UNC5B: variants seen among roughly 807,000 people sequenced by gnomAD.
UNC5B encodes netrin receptor UNC5B.
UNC5B carries 56 observed loss-of-function variants against 103.7 expected under a neutral mutation model. The ratio of observed to expected loss-of-function variants is 0.54; its 90% CI spans 0.44 to 0.67. The LOEUF is 0.67. Among genes scored for constraint, UNC5B ranks in the 30% least tolerant of loss-of-function variants. The probability of loss-of-function intolerance (pLI) is 0.00; values close to 1 mark genes in which losing one functional copy is unlikely to be tolerated. For synonymous variants in UNC5B, 577 were observed against 542.0 expected, an observed-to-expected ratio of 1.06 and a Z score of -0.90; for missense variants, 1,194 against 1,284.5, an observed-to-expected ratio of 0.93 and a Z score of 1.08.
rs774394506 is a variant in UNC5B at position 71,293,951 on chromosome 10, T to C, written c.2175+18T>C. The C allele has an allele frequency of 2.0e-5, 32 of 1,573,830 alleles. No homozygotes were observed. The highest frequency in any genetic ancestry group is 2.4e-5 in the Non-Finnish European group (28 of 1,164,280). ...CACTGAAGGTAGGGCCAGCTGCAGG[T>C]GCCCACACAGCCCTGGCCGGCCAGC... On this transcript the variant is annotated intron_variant, in intron 13 of 16. Transcript: ENST00000335350.
At chr10:71,235,033 C>G (rs1272615305) in intron 1 of UNC5B, among the ~76,000 whole-genome samples, 1 of 152,184 alleles carries the variant, frequency 6.6e-6, no homozygotes, top group East Asian at 1.9e-4. Flanking sequence ...GGCCCCTCCT[C>G]CCCCGGCCTG....
chr10:71,296,779 CCA>C (rs770048440), intron 15 of UNC5B, 37 bp downstream of exon 15: 10 of 1,586,772 alleles, frequency 6.3e-6, no homozygotes, highest in Admixed American at 1.8e-5. Flanking sequence ...CAGCTGCACA[CCA>C]CACTGGCGGA....
intron 1 of UNC5B, among the ~76,000 whole-genome samples, chr10:71,250,819 G>A (rs1264035178): frequency 6.6e-6 from 1 of 152,166 alleles, no homozygotes; most frequent in African/African-American, 2.4e-5. Flanking sequence ...ATAATCTATG[G>A]GAGTATACTT....
Position 71,292,539 on chromosome 10 carries a change from A to G in UNC5B, c.1757A>G (p.Lys586Arg). 6.2e-7 allele frequency: 1 copy of G among 1,604,026 alleles called. No individual in the cohort carries two copies. The highest frequency in any genetic ancestry group is 8.5e-7 in the Non-Finnish European group (1 of 1,175,406). ...KFYEMYLLINKAESTLPLSEG... is the reference protein window; with the variant it reads ...KFYEMYLLINRAESTLPLSEG... ...TACGAGATGTATCTACTCATCAACAAGGCAGAAAGTACCCTGTGAGTAGAG... is the reference window on the plus strand; with the variant it reads ...TACGAGATGTATCTACTCATCAACAGGGCAGAAAGTACCCTGTGAGTAGAG... Residue 586 changes from lysine (K) to arginine (R), a missense_variant, in exon 11 of 17, where the codon AAG becomes AGG. Coordinates refer to ENST00000335350, the MANE Select transcript of UNC5B (RefSeq NM_170744.5).
In UNC5B at chr10:71,291,650, G is replaced by T. The variant is rs201668410; in HGVS notation, c.1513G>T (p.Val505Phe). ...GLADGADLLG[V>F]LPPGTYPSDF... Reference sequence around the variant, plus strand: ...GGCAGATGGGGCTGACCTGCTGGGGGTCTTGCCGCCTGGCACATACCCTAG... The same window carrying T: ...GGCAGATGGGGCTGACCTGCTGGGGTTCTTGCCGCCTGGCACATACCCTAG... The change falls in exon 10 of 17, where the codon GTC (valine) becomes TTC (phenylalanine). Residue 505 changes from valine (V) to phenylalanine (F), a missense_variant. Val to Phe is a conservative substitution (Grantham distance 50, BLOSUM62 -1). Coordinates refer to ENST00000335350, the MANE Select transcript of UNC5B (RefSeq NM_170744.5). 13 of 1,613,884 alleles carry T rather than the reference G, an allele frequency of 8.1e-6. No homozygotes were observed. Among genetic ancestry groups the T allele is most frequent in the East Asian group, 6.7e-5 (3 of 44,886 alleles).
intron 1 of UNC5B, among the ~76,000 whole-genome samples, chr10:71,215,806 G>GGTGTGTGTGT (rs55848098): frequency 1.5e-4 from 23 of 149,540 alleles, no homozygotes; most frequent in African/African-American, 4.9e-4. Flanking sequence ...GTCTCTGCTT[G>GGTGTGTGTGT]GTGTGTGTGT....
intron 1 of UNC5B, among the ~76,000 whole-genome samples, chr10:71,233,897 T>C (rs894974321): frequency 1.3e-5 from 2 of 152,232 alleles, no homozygotes; most frequent in African/African-American, 4.8e-5. Context: ...TGCTCTTGGC[T>C]GAGGCCGCCA....
chr10:71,212,671 T>A lies in UNC5B; in HGVS notation c.-315T>A, dbSNP rs1190049349. On this transcript the variant is annotated 5_prime_UTR_variant, in exon 1 of 17. Transcript: ENST00000335350. ...GGCTGGGACTGCGCGGCGCCGCCGC[T>A]GCGAGCGCCACTGAGCGGTCGCGCA... 1 of 242,022 alleles carries A rather than the reference T, an allele frequency of 4.1e-6. No individual in the cohort carries two copies. Among genetic ancestry groups the A allele is most frequent in the African/African-American group, 2.3e-5 (1 of 44,058 alleles). 15.0% of individuals were successfully genotyped at this position (242,022 alleles called of 1,614,324 possible). A position where few individuals can be genotyped will look rare whatever the true frequency, so the allele number is the denominator to read the frequency against.
chr10:71,295,987 G>A, intron 14 of UNC5B, 27 bp downstream of exon 14: 1 of 1,612,084 alleles, frequency 6.2e-7, no homozygotes, highest in Non-Finnish European at 8.5e-7. Context: ...TGGATGGGGA[G>A]GGGCACCACT....
intron 1 of UNC5B, among the ~76,000 whole-genome samples, chr10:71,228,207 T>G (rs984099154): frequency 2.0e-5 from 3 of 152,194 alleles, no homozygotes; most frequent in African/African-American, 7.2e-5. Context: ...AGAGATGAAC[T>G]CCAAGTGGAT....
chr10:71,235,999 G>A (rs1470298592), intron 1 of UNC5B, among the ~76,000 whole-genome samples: 5 of 152,262 alleles, frequency 3.3e-5, no homozygotes, highest in Non-Finnish European at 5.9e-5. Flanking sequence ...CTAATACGCT[G>A]TGTGACGTTA....
chr10:71,266,731 G>A (rs1426656581), intron 1 of UNC5B, among the ~76,000 whole-genome samples: 1 of 152,176 alleles, frequency 6.6e-6, no homozygotes, highest in African/African-American at 2.4e-5. Context: ...GTTTTTTCCT[G>A]AGAATGGAGT....
At chr10:71,288,108 C>T (rs192642152) in intron 6 of UNC5B, among the ~76,000 whole-genome samples, 2 of 152,322 alleles carry the variant, frequency 1.3e-5, no homozygotes, top group Admixed American at 1.3e-4. Flanking sequence ...CAGCCTGTTG[C>T]TCCTGACTGT....
chr10:71,241,303 C>T (rs1351481225), intron 1 of UNC5B, among the ~76,000 whole-genome samples: 1 of 151,758 alleles, frequency 6.6e-6, no homozygotes, highest in Non-Finnish European at 1.5e-5. Flanking sequence ...GTGCCGAAGG[C>T]CCCCCCAGAG....
intron 1 of UNC5B, among the ~76,000 whole-genome samples, chr10:71,228,808 G>A (rs1334167082): frequency 2.0e-5 from 3 of 152,218 alleles, no homozygotes; most frequent in East Asian, 1.9e-4. Context: ...CAGTCCTTGC[G>A]ATGGCTCTGG....
intron 1 of UNC5B, among the ~76,000 whole-genome samples, chr10:71,220,346 G>C (rs751538546): frequency 2.0e-5 from 3 of 152,188 alleles, no homozygotes; most frequent in Non-Finnish European, 4.4e-5. Flanking sequence ...ACACAAAGTG[G>C]GTAAGAAGGG....
At chr10:71,268,165 C>A (rs1371959408) in intron 1 of UNC5B, among the ~76,000 whole-genome samples, 5 of 152,234 alleles carry the variant, frequency 3.3e-5, no homozygotes, top group African/African-American at 1.2e-4. Flanking sequence ...CTACCCAGTT[C>A]CAAGGACCCC....
chr10:71,255,566 C>A (rs1844271698), intron 1 of UNC5B, among the ~76,000 whole-genome samples: 1 of 152,180 alleles, frequency 6.6e-6, no homozygotes, highest in East Asian at 1.9e-4. Flanking sequence ...TAGGGACAGG[C>A]TTTACTAAGA....
chr10:71,235,742 G>T (rs1485589405), intron 1 of UNC5B, among the ~76,000 whole-genome samples: 1 of 152,226 alleles, frequency 6.6e-6, no homozygotes, highest in Non-Finnish European at 1.5e-5. Context: ...AACCTGAAAA[G>T]GAAGGGCAGC....
Sources: allele counts gnomAD v4.1 joint callset (sites outside exome capture counted in the v4.1 genomes callset), GRCh38; gene constraint gnomAD v4.1.1; transcripts MANE v1.5; gene names NCBI Gene and HGNC (gene_info 2026-07-23, HGNC 2026-07-21).